Variants in APP observed in about 807,000 individuals in gnomAD.
APP encodes amyloid beta precursor protein, also known as amyloid-beta precursor protein.
A neutral mutation model predicts 101.4 loss-of-function variants in APP; 31 were observed. That is an observed-to-expected ratio of 0.31 (90% confidence interval 0.23 to 0.41). The LOEUF is 0.41. Ranked by LOEUF, APP falls within the 10% of genes least tolerant of loss-of-function variation. APP has a pLI of 1.00. For synonymous variants in APP, 366 were observed against 364.4 expected, an observed-to-expected ratio of 1.00 and a Z score of -0.05; for missense variants, 839 against 1,003.7, an observed-to-expected ratio of 0.84 and a Z score of 2.22.
In APP at chr21:25,955,622, C is replaced by CT. The variant is rs767563625; in HGVS notation, c.1587+4dup. ...CTGCAGAAGATGATTATACCCCACG[C>CT]TTACCTGGGACCGGATCTGAGCGGC... On this transcript the variant is annotated splice_donor_region_variant and intron_variant, in intron 12 of 17. Transcript: ENST00000346798. 1 of 1,614,106 alleles carries CT rather than the reference C, an allele frequency of 6.2e-7. No homozygotes were observed. Among genetic ancestry groups the CT allele is most frequent in the Non-Finnish European group, 8.5e-7 (1 of 1,179,994 alleles).
chr21:25,944,309 T>C (rs2040711123), intron 13 of APP, among the ~76,000 whole-genome samples: 1 of 152,170 alleles, frequency 6.6e-6, no homozygotes, highest in African/African-American at 2.4e-5. Context: ...TCTTCACAAA[T>C]AGTGTTTAGG....
At chr21:26,117,250 G>T (rs2062455556) in intron 1 of APP, among the ~76,000 whole-genome samples, 1 of 152,014 alleles carries the variant, frequency 6.6e-6, no homozygotes, top group Admixed American at 6.6e-5. Flanking sequence ...CCTTAACCTG[G>T]GCATAATTCA....
At chr21:25,895,190 T>TTTTA (rs2037955825) in intron 16 of APP, among the ~76,000 whole-genome samples, 1 of 137,872 alleles carries the variant, frequency 7.3e-6, no homozygotes, top group African/African-American at 2.7e-5. Flanking sequence ...TTTTTTTTTT[T>TTTTA]GAGACAGAGT....
chr21:26,084,329 C>T (rs975022516), intron 3 of APP, among the ~76,000 whole-genome samples: 2 of 150,180 alleles, frequency 1.3e-5, no homozygotes, highest in Admixed American at 1.3e-4. Flanking sequence ...AGCTCCGCCT[C>T]CCGGGTTCAC....
intron 11 of APP, among the ~76,000 whole-genome samples, chr21:25,968,726 T>G (rs2041891224): frequency 6.6e-6 from 1 of 152,212 alleles, no homozygotes. Context: ...GATTTAAATC[T>G]GAGCTTCAAA....
At chr21:26,128,085 T>C (rs1352344317) in intron 1 of APP, among the ~76,000 whole-genome samples, 1 of 152,196 alleles carries the variant, frequency 6.6e-6, no homozygotes, top group Non-Finnish European at 1.5e-5. Context: ...TCTTATGCCA[T>C]TTAAAATAGA....
intron 4 of APP, among the ~76,000 whole-genome samples, chr21:26,052,469 AC>A (rs11304797): frequency 1 from 152,360 of 152,360 alleles, 76,180 homozygotes; most frequent in Non-Finnish European, 1. Context: ...CCACAAATAA[AC>A]CTATATAAAT....
intron 5 of APP, among the ~76,000 whole-genome samples, chr21:26,046,590 T>C (rs139619230): frequency 2.8e-4 from 43 of 151,946 alleles, no homozygotes; most frequent in Non-Finnish European, 4.9e-4. Flanking sequence ...ATACATCAAG[T>C]TACCTCTCAG....
At chr21:26,004,275 C>CTTTTTTTTTT (rs71183538) in intron 6 of APP, among the ~76,000 whole-genome samples, 2 of 72,796 alleles carry the variant, frequency 2.7e-5, no homozygotes, top group Non-Finnish European at 4.9e-5. Flanking sequence ...TGTATTAATT[C>CTTTTTTTTTT]TTTTTTTTTT....
chr21:26,058,521 A>C (rs2046132279), intron 3 of APP, among the ~76,000 whole-genome samples: 1 of 152,234 alleles, frequency 6.6e-6, no homozygotes, highest in Non-Finnish European at 1.5e-5. Flanking sequence ...TTGTCTTTTC[A>C]AAAGACAGAC....
intron 9 of APP, among the ~76,000 whole-genome samples, chr21:25,977,057 G>A (rs552560609): frequency 1.8e-4 from 28 of 152,132 alleles, no homozygotes; most frequent in Non-Finnish European, 3.1e-4. Flanking sequence ...GATTATCCAG[G>A]CTGGGGTATT....
intron 3 of APP, among the ~76,000 whole-genome samples, chr21:26,062,531 G>A (rs1360155839): frequency 2.0e-5 from 3 of 151,436 alleles, no homozygotes; most frequent in South Asian, 2.1e-4. Flanking sequence ...GCATGGTGGC[G>A]GGTGCCTGTA....
chr21:26,129,969 G>A (rs1472837249), intron 1 of APP, among the ~76,000 whole-genome samples: 1 of 152,170 alleles, frequency 6.6e-6, no homozygotes, highest in Admixed American at 6.5e-5. Context: ...GGGTGATACG[G>A]TGATAAATTA....
rs374018799 is a variant in APP at position 25,897,198 on chromosome 21, C to T, written c.2064+375G>A. Reference sequence around the variant, plus strand: ...CACGATCTCAGCTCACTGCAACCTCCACCTCCTGGGTTCAAGCAAGTCTCC... The same window carrying T: ...CACGATCTCAGCTCACTGCAACCTCTACCTCCTGGGTTCAAGCAAGTCTCC... On this transcript the variant is annotated intron_variant, in intron 16 of 17. Transcript: ENST00000346798. Among the ~76,000 whole-genome samples the T allele has an allele frequency of 1.2e-4, 18 of 152,168 alleles. 1 individual carries two copies. Among genetic ancestry groups the T allele is most frequent in the East Asian group, 5.8e-4 (3 of 5,176 alleles).
At chr21:26,015,159 C>A (rs552182371) in intron 6 of APP, among the ~76,000 whole-genome samples, 26 of 152,210 alleles carry the variant, frequency 1.7e-4, no homozygotes, top group African/African-American at 5.5e-4. Context: ...TACATTTATG[C>A]CTTTTATAAT....
rs71183520 is a variant in APP at position 25,900,987 on chromosome 21, C to CAAAAAAAAAAAAAAAAAAAAAAAAAAA, written c.1964-3315_1964-3314insTTTTTTTTTTTTTTTTTTTTTTTTTTT. Among the ~76,000 whole-genome samples the CAAAAAAAAAAAAAAAAAAAAAAAAAAA allele has an allele frequency of 5.1e-5, 6 of 118,578 alleles. No individual in the cohort carries two copies. In the East Asian group the frequency reaches 9.6e-4, roughly 19 times the overall value. 77.8% of individuals were successfully genotyped at this position (118,578 alleles called of 152,430 possible). ...TGGGCGACAGAGTGAGACTCCATCT[C>CAAAAAAAAAAAAAAAAAAAAAAAAAAA]AAAAAAAAAAAAAAAAAGAATGAGC... On this transcript the variant is annotated intron_variant, in intron 15 of 17. Transcript: ENST00000346798.
chr21:25,992,079 A>G (rs1347897978), intron 8 of APP, among the ~76,000 whole-genome samples: 1 of 152,208 alleles, frequency 6.6e-6, no homozygotes, highest in African/African-American at 2.4e-5. Flanking sequence ...TTCATGAACA[A>G]AATTATCAAA....
At chr21:25,917,559 C>T (rs117922572) in intron 13 of APP, among the ~76,000 whole-genome samples, 1,834 of 152,232 alleles carry the variant, frequency 0.012, 24 homozygotes, top group Non-Finnish European at 0.019. Flanking sequence ...AAGAATTTAA[C>T]GGTCACATCT....
intron 9 of APP, among the ~76,000 whole-genome samples, chr21:25,979,457 C>G (rs1027463173): frequency 1.2e-4 from 18 of 152,018 alleles, no homozygotes; most frequent in African/African-American, 4.1e-4. Context: ...AAGAGGCAGG[C>G]AAGTTTAAAG....
Sources: allele counts gnomAD v4.1 joint callset (sites outside exome capture counted in the v4.1 genomes callset), GRCh38; gene constraint gnomAD v4.1.1; transcripts MANE v1.5; gene names NCBI Gene and HGNC (gene_info 2026-07-23, HGNC 2026-07-21).